RNF212: variants seen among roughly 807,000 people sequenced by gnomAD.
RNF212 encodes the protein probable E3 SUMO-protein ligase RNF212.
A neutral mutation model predicts 34.7 loss-of-function variants in RNF212; 33 were observed. The ratio of observed to expected loss-of-function variants is 0.95; its 90% CI spans 0.72 to 1.27. The LOEUF (loss-of-function observed/expected upper bound fraction) is 1.27, where lower values mean the gene tolerates loss of function less well. Among genes scored for constraint, RNF212 ranks in the 50% most tolerant of loss-of-function variants. The pLI is 0.00. For missense variants in RNF212, 377 were observed against 362.2 expected (o/e 1.04, Z -0.33); for synonymous variants, 140 against 136.1 (o/e 1.03, Z -0.20).
intron 3 of RNF212, among the ~76,000 whole-genome samples, chr4:1,063,430 G>C (rs1271337889): frequency 6.6e-6 from 1 of 152,174 alleles, no homozygotes; most frequent in Non-Finnish European, 1.5e-5. Flanking sequence ...AATGGAAATG[G>C]CTGGGTACGG....
intron 3 of RNF212, among the ~76,000 whole-genome samples, chr4:1,062,464 T>G (rs1717811191): frequency 6.6e-6 from 1 of 152,154 alleles, no homozygotes; most frequent in Admixed American, 6.5e-5. Flanking sequence ...TTAACCCTTC[T>G]TCATGACAAA....
intron 2 of RNF212, among the ~76,000 whole-genome samples, chr4:1,098,578 T>C (rs185016457): frequency 1.2e-4 from 19 of 152,192 alleles, no homozygotes; most frequent in Non-Finnish European, 2.2e-4. Flanking sequence ...CACCCTCCTA[T>C]ACACACCAAA....
At chr4:1,081,979 G>T (rs913355703) in intron 5 of RNF212, 2 of 307,016 alleles carry the variant, frequency 6.5e-6, no homozygotes, top group South Asian at 6.4e-5. Flanking sequence ...GGCCAGCCAT[G>T]GTGCCTCATG....
intron 2 of RNF212, among the ~76,000 whole-genome samples, chr4:1,097,750 T>C (rs557181908): frequency 4.9e-4 from 74 of 152,250 alleles, no homozygotes; most frequent in African/African-American, 1.7e-3. Context: ...GTCCTAGGCA[T>C]GGAGCTGCCG....
intron 5 of RNF212, among the ~76,000 whole-genome samples, chr4:1,082,532 G>C (rs941934174): frequency 6.6e-6 from 1 of 152,210 alleles, no homozygotes; most frequent in Admixed American, 6.5e-5. Context: ...AAGCCAGCTA[G>C]GAATAGGCAG....
intron 3 of RNF212, 128 bp downstream of exon 3, chr4:1,096,637 A>G: frequency 1.4e-6 from 1 of 704,824 alleles, no homozygotes; most frequent in Non-Finnish European, 2.5e-6. Flanking sequence ...CACACCCCTC[A>G]CAGCTCCATG....
At chr4:1,066,568 C>G (rs538135101), downstream of RNF212, among the ~76,000 whole-genome samples, 12 of 152,332 alleles carry the variant, frequency 7.9e-5, no homozygotes, top group African/African-American at 2.6e-4. Flanking sequence ...TGAGCTCAAG[C>G]GATCCTTTTG....
chr4:1,103,409 C>T (rs1218971053), intron 2 of RNF212, among the ~76,000 whole-genome samples: 1 of 152,022 alleles, frequency 6.6e-6, no homozygotes, highest in African/African-American at 2.4e-5. Flanking sequence ...CAGAACAGAC[C>T]TGATTTACCA....
At position 1,072,817 on chromosome 4, in the gene RNF212, A is replaced by G. The variant is rs1436298190; in HGVS notation, c.*57T>C. 1 of 1,503,016 alleles carries G rather than the reference A, an allele frequency of 6.7e-7. No individual in the cohort carries two copies. Among genetic ancestry groups the G allele is most frequent in the Non-Finnish European group, 8.9e-7 (1 of 1,122,302 alleles). 93.1% of individuals were successfully genotyped at this position (1,503,016 alleles called of 1,614,324 possible). On this transcript the variant is annotated 3_prime_UTR_variant, in exon 10 of 10. Transcript: ENST00000433731. ...AATAAAGCAGATAATTTGTAGAAAA[A>G]ACACAGAGGAATAAATTGAAAACAC...
At chr4:1,078,667 G>T (rs1719734615) in intron 8 of RNF212, among the ~76,000 whole-genome samples, 1 of 152,246 alleles carries the variant, frequency 6.6e-6, no homozygotes, top group Non-Finnish European at 1.5e-5. Flanking sequence ...CACCAACTTT[G>T]CTGCCCTTTC....
intron 5 of RNF212, among the ~76,000 whole-genome samples, chr4:1,084,498 G>A (rs1426472850): frequency 6.6e-6 from 1 of 152,062 alleles, no homozygotes. Flanking sequence ...GGGACGCTGA[G>A]GTGGGAGGAT....
At chr4:1,091,216 A>C (rs2153052034) in intron 3 of RNF212, among the ~76,000 whole-genome samples, 1 of 152,274 alleles carries the variant, frequency 6.6e-6, no homozygotes, top group African/African-American at 2.4e-5. Context: ...CGGCACACAG[A>C]ATGAGGCTAA....
intron 2 of RNF212, chr4:1,099,957 G>A (rs770280501): frequency 3.6e-5 from 16 of 443,754 alleles, no homozygotes; most frequent in Non-Finnish European, 6.4e-5. Flanking sequence ...TCATCATGGA[G>A]GCTGATGCAG....
intron 1 of RNF212, among the ~76,000 whole-genome samples, chr4:1,110,349 C>T (rs1171807565): frequency 6.6e-6 from 1 of 152,148 alleles, no homozygotes; most frequent in African/African-American, 2.4e-5. Flanking sequence ...ACAACAGGTG[C>T]TCACGTGTCA....
At chr4:1,066,659 T>C (rs1718119093), downstream of RNF212, among the ~76,000 whole-genome samples, 3 of 152,222 alleles carry the variant, frequency 2.0e-5, no homozygotes, top group Admixed American at 6.5e-5. Flanking sequence ...AGGTTGTTCG[T>C]TGTTAAGTTT....
chr4:1,086,584 T>A, intron 4 of RNF212, among the ~76,000 whole-genome samples: 1 of 38,778 alleles, frequency 2.6e-5, no homozygotes, highest in Non-Finnish European at 4.7e-5. Flanking sequence ...GGAAAGAGGA[T>A]GGCATGAGGG....
Position 1,113,353 on chromosome 4 carries a change from G to T in RNF212, c.109+3C>A. The T allele has an allele frequency of 6.5e-7, 1 of 1,534,214 alleles. No individual in the cohort carries two copies. Among genetic ancestry groups the T allele is most frequent in the South Asian group, 1.2e-5 (1 of 86,304 alleles). ...CTCCAGCCTGCGTTCGGGAAGCCCT[G>T]ACCTTTGCCGAGGCAGGCGTCGCAG... On this transcript the variant is annotated splice_donor_region_variant and intron_variant, in intron 1 of 9. Coordinates refer to ENST00000433731, the MANE Select transcript of RNF212 (RefSeq NM_001131034.4).
rs770542288 is a variant in RNF212, at chr4:1,072,926, G to A, written c.842C>T (p.Ala281Val). The change falls in exon 10 of 10, where the codon GCT becomes GTT. Residue 281 changes from alanine to valine, a missense_variant. Transcript: ENST00000433731. The stretch of plus-strand genomic sequence containing the variant: ...GCAAAGAGGAAACACAACAGACACA[G>A]CGGGTGTTCTGAACGTGTCCAGGGT... ...EGTLDTFRTP[A>V]VSVVFPLCQF... 4.3e-6 allele frequency: 7 copies of A among 1,613,810 alleles called. No individual in the cohort carries two copies. The highest frequency in any genetic ancestry group is 3.3e-4 in the Middle Eastern group (2 of 6,062).
intron 1 of RNF212, among the ~76,000 whole-genome samples, chr4:1,111,340 C>T (rs542453530): frequency 1.3e-5 from 2 of 152,294 alleles, no homozygotes; most frequent in African/African-American, 2.4e-5. Flanking sequence ...CAAATGTGTT[C>T]CTGGCTGTCT....
Sources: allele counts gnomAD v4.1 joint callset (sites outside exome capture counted in the v4.1 genomes callset), GRCh38; gene constraint gnomAD v4.1.1; transcripts MANE v1.5; gene names NCBI Gene and HGNC (gene_info 2026-07-23, HGNC 2026-07-21).